The following PRDM5 variants were observed in gnomAD, a reference collection of about 807,000 sequenced individuals.
PRDM5 encodes the protein PR/SET domain 5, also known as PR domain zinc finger protein 5.
In PRDM5, 56 loss-of-function variants were observed where a neutral mutation model predicts 81.2. The ratio of observed to expected loss-of-function variants is 0.69; its 90% CI spans 0.56 to 0.86. PRDM5 has a LOEUF of 0.86. Ranked by LOEUF, PRDM5 falls within the 40% of genes least tolerant of loss-of-function variation. The pLI is 0.00. For synonymous variants in PRDM5, 267 were observed against 256.4 expected (o/e 1.04, Z -0.39); for missense variants, 697 against 770.1 (o/e 0.91, Z 1.12).
intron 2 of PRDM5, among the ~76,000 whole-genome samples, chr4:120,874,328 T>C (rs1274936974): frequency 6.6e-6 from 1 of 152,212 alleles, no homozygotes; most frequent in African/African-American, 2.4e-5. Flanking sequence ...ATAATGACTT[T>C]AATCACACAT....
intron 7 of PRDM5, chr4:120,812,775 C>G (rs1441609452): frequency 2.4e-6 from 1 of 412,448 alleles, no homozygotes; most frequent in East Asian, 8.5e-5. Context: ...CCACCTTTCT[C>G]ATATATAAAA....
At chr4:120,741,609 ACT>A (rs2149109460) in intron 14 of PRDM5, among the ~76,000 whole-genome samples, 1 of 152,126 alleles carries the variant, frequency 6.6e-6, no homozygotes, top group South Asian at 2.1e-4. Flanking sequence ...GCATTGCCTC[ACT>A]CGGGAAGCAC....
intron 15 of PRDM5, among the ~76,000 whole-genome samples, chr4:120,697,667 AC>A (rs34713628): frequency 7.6e-3 from 651 of 85,642 alleles, no homozygotes; most frequent in Non-Finnish European, 0.01. Context: ...TGCCCAGCTA[AC>A]TATTTTTTTT....
At chr4:120,815,621 A>G (rs560132610) in intron 7 of PRDM5, among the ~76,000 whole-genome samples, 1 of 152,352 alleles carries the variant, frequency 6.6e-6, no homozygotes, top group South Asian at 2.1e-4. Context: ...AAGGGAGAAA[A>G]GAAATCCACT....
chr4:120,913,660 A>G (rs1482462253), intron 1 of PRDM5, among the ~76,000 whole-genome samples: 1 of 152,138 alleles, frequency 6.6e-6, no homozygotes, highest in East Asian at 1.9e-4. Context: ...AACAACTACT[A>G]CTAGCATCTG....
At chr4:120,686,067 C>T (rs1733822517) in intron 1 of PRDM5, among the ~76,000 whole-genome samples, 1 of 151,982 alleles carries the variant, frequency 6.6e-6, no homozygotes, top group Non-Finnish European at 1.5e-5. Context: ...CTCTCTCTTG[C>T]TCCCGCTCTG....
At chr4:120,716,913 T>G (rs1339754735) in intron 14 of PRDM5, among the ~76,000 whole-genome samples, 1 of 152,126 alleles carries the variant, frequency 6.6e-6, no homozygotes, top group African/African-American at 2.4e-5. Flanking sequence ...CCTCCCTTAC[T>G]AATTTCTTTT....
intron 13 of PRDM5, among the ~76,000 whole-genome samples, chr4:120,758,540 T>C (rs998024218): frequency 6.6e-6 from 1 of 152,012 alleles, no homozygotes; most frequent in Non-Finnish European, 1.5e-5. Context: ...ATGTGAAGAC[T>C]GGAATTATGC....
chr4:120,744,177 A>G (rs1262136811), intron 14 of PRDM5, among the ~76,000 whole-genome samples: 2 of 152,060 alleles, frequency 1.3e-5, no homozygotes, highest in Non-Finnish European at 2.9e-5. Context: ...CTCCTGAATG[A>G]CTACTGGGTA....
chr4:120,801,911 C>T (rs1752168044), intron 8 of PRDM5, among the ~76,000 whole-genome samples: 1 of 152,090 alleles, frequency 6.6e-6, no homozygotes, highest in Non-Finnish European at 1.5e-5. Context: ...AAACAAGATA[C>T]TCTAAAGAGA....
chr4:120,718,667 A>T (rs540133138), intron 14 of PRDM5, among the ~76,000 whole-genome samples: 1 of 151,890 alleles, frequency 6.6e-6, no homozygotes, highest in South Asian at 2.1e-4. Context: ...AGCTGAAAGC[A>T]AAATAGTGTT....
At chr4:120,697,668 C>CTTTTTTTTTTTT (rs1734691599) in intron 15 of PRDM5, among the ~76,000 whole-genome samples, 4 of 42,862 alleles carry the variant, frequency 9.3e-5, no homozygotes, top group Non-Finnish European at 1.4e-4. Context: ...GCCCAGCTAA[C>CTTTTTTTTTTTT]TATTTTTTTT....
At chr4:120,724,938 G>A (rs1739171115) in intron 14 of PRDM5, among the ~76,000 whole-genome samples, 1 of 152,136 alleles carries the variant, frequency 6.6e-6, no homozygotes, top group East Asian at 1.9e-4. Flanking sequence ...CAGATGCAAG[G>A]AGGTAGTAGC....
chr4:120,882,336 C>T (rs1415093554), intron 2 of PRDM5, among the ~76,000 whole-genome samples: 3 of 152,098 alleles, frequency 2.0e-5, no homozygotes, highest in East Asian at 1.9e-4. Context: ...TCAGTAGAGA[C>T]GGGGTTTCAC....
intron 14 of PRDM5, among the ~76,000 whole-genome samples, chr4:120,733,957 G>A (rs1277550951): frequency 3.3e-5 from 5 of 151,642 alleles, no homozygotes; most frequent in Non-Finnish European, 5.9e-5. Flanking sequence ...TATGCCGATG[G>A]CAGAGGTGGC....
intron 2 of PRDM5, among the ~76,000 whole-genome samples, chr4:120,898,457 T>C (rs1312847180): frequency 6.6e-6 from 1 of 152,102 alleles, no homozygotes; most frequent in Admixed American, 6.5e-5. Flanking sequence ...CCTCAAAGAG[T>C]AACCCTCTAG....
chr4:120,794,626 CTT>C (rs751900616), intron 10 of PRDM5, among the ~76,000 whole-genome samples: 4 of 137,448 alleles, frequency 2.9e-5, no homozygotes, highest in Admixed American at 7.3e-5. Flanking sequence ...TTATATTCTA[CTT>C]TTTTTTTTTT....
At chr4:120,810,413 A>C (rs1753667164) in intron 8 of PRDM5, 1 of 152,068 alleles carries the variant, frequency 6.6e-6, no homozygotes, top group South Asian at 2.1e-4. Flanking sequence ...AAGACCTATA[A>C]AAGGGTCCTC....
chr4:120,805,244 G>A (rs575596705), intron 8 of PRDM5, among the ~76,000 whole-genome samples: 28 of 152,208 alleles, frequency 1.8e-4, no homozygotes, highest in Admixed American at 7.2e-4. Flanking sequence ...AAGACCAGAC[G>A]GATTCACAGC....
Sources: gnomAD v4.1 joint callset for allele counts (sites outside exome capture counted in the v4.1 genomes callset) on GRCh38, gnomAD v4.1.1 for gene constraint, MANE v1.5 for transcripts, NCBI Gene and HGNC (gene_info 2026-07-23, HGNC 2026-07-21) for gene names.